The following IGSF9B variants were observed in gnomAD, a reference collection of about 807,000 sequenced individuals.
The protein encoded by IGSF9B is immunoglobulin superfamily member 9B, also known as protein turtle homolog B.
IGSF9B carries 48 observed loss-of-function variants against 143.7 expected under a neutral mutation model. The observed-to-expected ratio is 0.33, with a 90% CI of 0.26 to 0.42. IGSF9B has a LOEUF of 0.42. Ranked by LOEUF, IGSF9B falls within the 20% of genes least tolerant of loss-of-function variation. The pLI, the probability that IGSF9B is intolerant of heterozygous loss-of-function variation, is 1.00. For missense variants in IGSF9B, 1,706 were observed against 1,980.0 expected (o/e 0.86, Z 2.63); for synonymous variants, 903 against 833.1 (o/e 1.08, Z -1.44).
rs1057032611 is a variant in IGSF9B at position 133,906,646 on chromosome 11, G to A, written c.*2423C>T. On this transcript the variant is annotated 3_prime_UTR_variant, in exon 20 of 20. Coordinates refer to ENST00000533871, the MANE Select transcript of IGSF9B (RefSeq NM_001277285.4). ...AGCATCTCAGCCTCTCATGACATCC[G>A]AAAGAAGCAAAGCCTTCTACCTCAT... 1.1e-4 allele frequency among the ~76,000 whole-genome samples: 16 copies of A among 152,186 alleles called. No homozygotes were observed. Among genetic ancestry groups the A allele is most frequent in the Non-Finnish European group, 1.8e-4 (12 of 68,028 alleles).
chr11:133,915,946 C>T (rs557877659), intron 18 of IGSF9B, among the ~76,000 whole-genome samples: 8 of 152,300 alleles, frequency 5.3e-5, no homozygotes, highest in East Asian at 3.9e-4. Flanking sequence ...GAGCCCACCC[C>T]GCTGACCACA....
chr11:133,907,405 C>T lies in IGSF9B; in HGVS notation c.*1664G>A, dbSNP rs167916. On this transcript the variant is annotated 3_prime_UTR_variant, in exon 20 of 20. Transcript: ENST00000533871. ...AGCCATCCAATGCTGCCGTGGCTCACGTCCAAGCAGGGAACTCGGGAGAGG... is the reference window on the plus strand; with the variant it reads ...AGCCATCCAATGCTGCCGTGGCTCATGTCCAAGCAGGGAACTCGGGAGAGG... Among the ~76,000 whole-genome samples the T allele has an allele frequency of 0.029, 4,384 of 152,308 alleles. 105 individuals are homozygous for T. Among genetic ancestry groups the T allele is most frequent in the Middle Eastern group, 0.11 (33 of 294 alleles).
chr11:133,920,237 G>C lies in IGSF9B; in HGVS notation c.3488C>G (p.Thr1163Arg), dbSNP rs776345696. Residue 1163 changes from threonine (T) to arginine (R), a missense_variant, in exon 18 of 20, where the codon ACA becomes AGA. By Grantham distance (71) the Thr-to-Arg change is moderately conservative (BLOSUM62 -1). This residue lies in a region of IGSF9B where 880 missense variants were observed against 762.9 expected (regional missense o/e 1.15). Coordinates refer to ENST00000533871, the MANE Select transcript of IGSF9B (RefSeq NM_001277285.4). ...ATACCACCGGGTGTCCAGGCCAAAT[G>C]TGCTGGGGCCGCCGTGCGCCCCCGG... ...AEPGAHGGPS[T>R]FGLDTRWYEP... 2.0e-5 allele frequency: 30 copies of C among 1,517,358 alleles called. No individual in the cohort carries two copies. The highest frequency in any genetic ancestry group is 2.6e-5 in the Non-Finnish European group (29 of 1,132,624). The allele number at this position is 1,517,358 out of a possible 1,614,324, so 94.0% of individuals were successfully genotyped here. A position where few individuals can be genotyped will look rare whatever the true frequency, so the allele number is the denominator to read the frequency against.
chr11:133,925,969 C>T lies in IGSF9B; in HGVS notation c.1808-4G>A, dbSNP rs776074561. On this transcript the variant is annotated splice_region_variant and splice_polypyrimidine_tract_variant and intron_variant, in intron 13 of 19. Coordinates refer to ENST00000533871, the MANE Select transcript of IGSF9B (RefSeq NM_001277285.4). The stretch of plus-strand genomic sequence containing the variant: ...TCTGGAGTTGTAATAGGGAATGCTG[C>T]GGCGGGGGAAGGAGAAGAACCACAG... 16 of 1,579,702 alleles carry T rather than the reference C, an allele frequency of 1.0e-5. No homozygotes were observed. Among genetic ancestry groups the T allele is most frequent in the South Asian group, 9.2e-5 (8 of 86,902 alleles).
Position 133,936,225 on chromosome 11 carries a change from G to A in IGSF9B, c.680-31C>T, listed in dbSNP as rs575078898. The A allele has an allele frequency of 3.8e-5, 60 of 1,592,918 alleles. No homozygotes were observed. In the East Asian group the frequency reaches 7.7e-4, roughly 21 times the overall value. On this transcript the variant is annotated intron_variant, in intron 5 of 19. Transcript: ENST00000533871. The stretch of plus-strand genomic sequence containing the variant: ...GAGAGCAGGGAACAAACCCCACCTC[G>A]CCTGATCAGGGACGGCAGCAGCACC...
Position 133,920,145 on chromosome 11 carries a change from C to T in IGSF9B, c.3580G>A (p.Val1194Met), listed in dbSNP as rs1939491796. The change falls in exon 18 of 20, where the codon GTG (valine) becomes ATG (methionine). Residue 1194 changes from valine to methionine, a missense_variant. Val to Met is a conservative substitution (Grantham distance 21, BLOSUM62 1). Transcript: ENST00000533871. The part of the protein sequence containing the change: ...ARRAEPSLHQ[V>M]VLQPSRLSPL... The stretch of plus-strand genomic sequence containing the variant: ...GAGAGCCGGGAGGGCTGTAGCACCA[C>T]TTGATGTAAACTGGGCTCGGCGCGC... 6.6e-7 allele frequency: 1 copy of T among 1,509,852 alleles called. No individual in the cohort carries two copies. The highest frequency in any genetic ancestry group is 1.4e-5 in the African/African-American group (1 of 71,372). 93.5% of individuals were successfully genotyped at this position (1,509,852 alleles called of 1,614,324 possible).
chr11:133,949,814 A>G (rs1831792382), intron 1 of IGSF9B, among the ~76,000 whole-genome samples: 1 of 152,134 alleles, frequency 6.6e-6, no homozygotes, highest in Admixed American at 6.5e-5. Flanking sequence ...AGCAGCTCAG[A>G]GGGGCCAGGC....
intron 18 of IGSF9B, among the ~76,000 whole-genome samples, chr11:133,919,440 G>A (rs948862913): frequency 6.6e-6 from 1 of 152,208 alleles, no homozygotes; most frequent in Non-Finnish European, 1.5e-5. Context: ...GTCCACCCCC[G>A]CAAGGGCACG....
At chr11:133,940,117 ACCTCGCACGT>A (rs924036738) in intron 3 of IGSF9B, among the ~76,000 whole-genome samples, 2 of 135,222 alleles carry the variant, frequency 1.5e-5, no homozygotes, top group Non-Finnish European at 3.1e-5. Context: ...ATAAACATAC[ACCTCGCACGT>A]CCTCGCACGC....
rs1390068327 is a variant in IGSF9B at position 133,931,585 on chromosome 11, C to A, written c.1252-16G>T. On this transcript the variant is annotated splice_polypyrimidine_tract_variant and intron_variant, in intron 9 of 19. Transcript: ENST00000533871. The surrounding 1 kb of genome is among the most constrained non-coding windows in gnomAD (Gnocchi z 7.7). ...AGGGGGGGTCCTGGGGAGGAAAGCA[C>A]AGGCACCCTCGTGAGGCCGGGGATC... 1 of 1,612,350 alleles carries A rather than the reference C, an allele frequency of 6.2e-7. No individual in the cohort carries two copies. The highest frequency in any genetic ancestry group is 1.3e-5 in the African/African-American group (1 of 74,902).
intron 3 of IGSF9B, among the ~76,000 whole-genome samples, chr11:133,939,790 T>A (rs1328991526): frequency 6.6e-6 from 1 of 150,610 alleles, no homozygotes; most frequent in Non-Finnish European, 1.5e-5. Context: ...TCGCCCGTCC[T>A]CGCACGCGTC....
intron 18 of IGSF9B, among the ~76,000 whole-genome samples, chr11:133,914,531 C>G (rs1162010520): frequency 6.6e-6 from 1 of 152,096 alleles, no homozygotes; most frequent in East Asian, 1.9e-4. Context: ...AGCAAAAATT[C>G]CCAGACAGTA....
chr11:133,943,710 A>C (rs972800743), intron 3 of IGSF9B, among the ~76,000 whole-genome samples: 1 of 152,220 alleles, frequency 6.6e-6, no homozygotes, highest in African/African-American at 2.4e-5. Context: ...TCTGCTTGCC[A>C]GTGTTTATCC....
chr11:133,937,572 G>A (rs1048167100), intron 4 of IGSF9B, 79 bp from the exon 5 acceptor site: 12 of 1,212,240 alleles, frequency 9.9e-6, no homozygotes, highest in Admixed American at 3.7e-5. Flanking sequence ...AGATGCAGTC[G>A]GAGACACTAA....
Position 133,929,800 on chromosome 11 carries a change from A to AC in IGSF9B, c.1520-19dup, listed in dbSNP as rs1939691036. The AC allele has an allele frequency of 6.4e-7, 1 of 1,551,624 alleles. No individual in the cohort carries two copies. The highest frequency in any genetic ancestry group is 1.4e-5 in the African/African-American group (1 of 73,394). Reference sequence around the variant, plus strand: ...GCTGGTGCCTGGAGATCAAGTGGAGACCTCTCAGACTGAAAAGAACTCAGC... The same window carrying AC: ...GCTGGTGCCTGGAGATCAAGTGGAGACCCTCTCAGACTGAAAAGAACTCAGC... On this transcript the variant is annotated intron_variant, in intron 11 of 19. Transcript: ENST00000533871.
intron 1 of IGSF9B, among the ~76,000 whole-genome samples, chr11:133,954,089 A>G (rs1940209808): frequency 6.6e-6 from 1 of 151,972 alleles, no homozygotes; most frequent in South Asian, 2.1e-4. Flanking sequence ...CTGCTGAGGG[A>G]CTGCCCCAGA....
intron 18 of IGSF9B, among the ~76,000 whole-genome samples, chr11:133,917,106 G>T (rs3802920): frequency 0.14 from 21,562 of 152,142 alleles, 1,880 homozygotes; most frequent in Middle Eastern, 0.22. Flanking sequence ...CATCTCTAGG[G>T]GGGGAAGGCA....
chr11:133,897,417 C>G lies in IGSF9B; in HGVS notation c.*11652G>C, dbSNP rs1251811491. ...ACACATATATATGCAGGTGCGCGCACACACACACATCTGGTTTCCTTGCAG... is the reference window on the plus strand; with the variant it reads ...ACACATATATATGCAGGTGCGCGCAGACACACACATCTGGTTTCCTTGCAG... On this transcript the variant is annotated 3_prime_UTR_variant, in exon 20 of 20. Transcript: ENST00000533871. 1 of 152,254 alleles carries G rather than the reference C, an allele frequency of 6.6e-6. No homozygotes were observed. Among genetic ancestry groups the G allele is most frequent in the African/African-American group, 2.4e-5 (1 of 41,444 alleles). 9.4% of individuals were successfully genotyped at this position (152,254 alleles called of 1,614,324 possible). A position where few individuals can be genotyped will look rare whatever the true frequency, so the allele number is the denominator to read the frequency against.
chr11:133,919,650 G>T, intron 18 of IGSF9B, 92 bp downstream of exon 18: 1 of 839,158 alleles, frequency 1.2e-6, no homozygotes, highest in Non-Finnish European at 1.7e-6. Flanking sequence ...GAGCCCTGTC[G>T]CCGGGCGGAT....
Sources: allele counts gnomAD v4.1 joint callset (sites outside exome capture counted in the v4.1 genomes callset), GRCh38; gene constraint gnomAD v4.1.1; regional missense constraint gnomAD v4.1.1; non-coding constraint Gnocchi (gnomAD v3.1); transcripts MANE v1.5; gene names NCBI Gene and HGNC (gene_info 2026-07-23, HGNC 2026-07-21).